Variants in FSTL4 observed in about 807,000 individuals in gnomAD.
FSTL4 encodes the protein follistatin like 4, also known as follistatin-related protein 4.
Under a neutral mutation model 78.2 loss-of-function variants are expected in FSTL4, and 28 were observed. The ratio of observed to expected loss-of-function variants is 0.36; its 90% CI spans 0.27 to 0.49. FSTL4 has a LOEUF of 0.49. FSTL4 is among the 20% of genes least tolerant of loss of function. FSTL4 has a pLI of 0.98. For synonymous variants in FSTL4, 422 were observed against 440.5 expected, an observed-to-expected ratio of 0.96 and a Z score of 0.53; for missense variants, 922 against 1,084.9, an observed-to-expected ratio of 0.85 and a Z score of 2.11.
chr5:133,290,397 A>G (rs1007381338), intron 6 of FSTL4, among the ~76,000 whole-genome samples: 1 of 152,342 alleles, frequency 6.6e-6, no homozygotes, highest in South Asian at 2.1e-4. Context: ...TGTGAGGGCC[A>G]TCGGGGAGTC....
At chr5:133,737,693 C>A in the FSTL4 span, among the ~76,000 whole-genome samples, 11 of 151,558 alleles carry the variant, frequency 7.3e-5, 1 homozygote, top group African/African-American at 2.7e-4. Context: ...CAACCTCTAC[C>A]TCCCAGGTTC....
At chr5:133,829,669 C>A in the FSTL4 span, among the ~76,000 whole-genome samples, 9 of 152,158 alleles carry the variant, frequency 5.9e-5, no homozygotes, top group Non-Finnish European at 1.3e-4. Flanking sequence ...TAGAAAAGAA[C>A]CAGAACTGCT....
chr5:133,696,539 C>T, the FSTL4 span, among the ~76,000 whole-genome samples: 21 of 152,354 alleles, frequency 1.4e-4, no homozygotes, highest in South Asian at 4.1e-3. Flanking sequence ...TTTAATGAGT[C>T]GTGTCTCTCT....
the FSTL4 span, among the ~76,000 whole-genome samples, chr5:133,783,851 G>C: frequency 6.6e-6 from 1 of 152,152 alleles, no homozygotes; most frequent in South Asian, 2.1e-4. Context: ...TAGAAAACAG[G>C]AGCAATTCCT....
chr5:133,388,110 G>A (rs966350884), intron 4 of FSTL4: 8 of 152,198 alleles, frequency 5.3e-5, no homozygotes, highest in African/African-American at 1.9e-4. Context: ...TTTACCCTTT[G>A]CAATTTTTGG....
chr5:133,465,526 G>A (rs1757689480), intron 3 of FSTL4, among the ~76,000 whole-genome samples: 1 of 152,246 alleles, frequency 6.6e-6, no homozygotes, highest in Non-Finnish European at 1.5e-5. Flanking sequence ...AGCGGTGGTT[G>A]TTCAGGAGTG....
chr5:133,592,011 G>A (rs1760638362), intron 2 of FSTL4, among the ~76,000 whole-genome samples: 2 of 152,214 alleles, frequency 1.3e-5, no homozygotes, highest in Non-Finnish European at 2.9e-5. Context: ...TAACCAATCT[G>A]TTCCGTTTTC....
intron 3 of FSTL4, among the ~76,000 whole-genome samples, chr5:133,452,927 C>T (rs1002825639): frequency 1.3e-5 from 2 of 152,240 alleles, no homozygotes; most frequent in African/African-American, 4.8e-5. Flanking sequence ...CAGAGTCCTA[C>T]CAACAACTCT....
In FSTL4 at chr5:133,233,397, G is replaced by A. The variant is rs1452809212; in HGVS notation, c.1015+20C>T. 6.2e-7 allele frequency: 1 copy of A among 1,613,744 alleles called. No homozygotes were observed. The highest frequency in any genetic ancestry group is 8.5e-7 in the Non-Finnish European group (1 of 1,179,874). On this transcript the variant is annotated intron_variant, in intron 8 of 15. Transcript: ENST00000265342. Reference sequence around the variant, plus strand: ...TGGGGAGGCTATGAGGGGACAACATGCATGGAGCCATTTACTAACCATTCA... The same window carrying A: ...TGGGGAGGCTATGAGGGGACAACATACATGGAGCCATTTACTAACCATTCA...
At chr5:133,567,924 C>A (rs1760063370) in intron 2 of FSTL4, among the ~76,000 whole-genome samples, 1 of 152,174 alleles carries the variant, frequency 6.6e-6, no homozygotes, top group East Asian at 1.9e-4. Context: ...AGAACAAACA[C>A]AAATTACTGA....
chr5:133,610,698 G>C (rs1761071254), intron 1 of FSTL4, among the ~76,000 whole-genome samples: 1 of 152,218 alleles, frequency 6.6e-6, no homozygotes, highest in African/African-American at 2.4e-5. Flanking sequence ...CAGACCCAGA[G>C]TCTGTCCTGG....
At chr5:133,250,821 T>G (rs1262288170) in intron 6 of FSTL4, among the ~76,000 whole-genome samples, 1 of 152,214 alleles carries the variant, frequency 6.6e-6, no homozygotes, top group Non-Finnish European at 1.5e-5. Flanking sequence ...AGATGCTGAG[T>G]GGCTCCGCCC....
the FSTL4 span, among the ~76,000 whole-genome samples, chr5:133,802,548 G>A: frequency 6.6e-6 from 1 of 152,210 alleles, no homozygotes; most frequent in African/African-American, 2.4e-5. Context: ...AGCCTTACCA[G>A]AGCTGGGAAA....
chr5:133,531,456 G>C (rs987234817), intron 3 of FSTL4, among the ~76,000 whole-genome samples: 1 of 152,252 alleles, frequency 6.6e-6, no homozygotes, highest in South Asian at 2.1e-4. Flanking sequence ...ATATCCCCTG[G>C]AAAGACTGAG....
At chr5:133,790,746 T>C in the FSTL4 span, among the ~76,000 whole-genome samples, 1 of 152,184 alleles carries the variant, frequency 6.6e-6, no homozygotes, top group African/African-American at 2.4e-5. Context: ...GAAGTCATCT[T>C]TGATTCCCCG....
intron 3 of FSTL4, among the ~76,000 whole-genome samples, chr5:133,428,282 T>C (rs1756868654): frequency 6.6e-6 from 1 of 152,190 alleles, no homozygotes; most frequent in Admixed American, 6.5e-5. Context: ...ATACGCATCA[T>C]GGCAGAAGTA....
At chr5:133,673,654 A>T in the FSTL4 span, among the ~76,000 whole-genome samples, 1 of 152,160 alleles carries the variant, frequency 6.6e-6, no homozygotes, top group African/African-American at 2.4e-5. Flanking sequence ...CAGATTCCAA[A>T]CTTTAATTCT....
intron 3 of FSTL4, among the ~76,000 whole-genome samples, chr5:133,403,306 C>T (rs1756280121): frequency 6.6e-6 from 1 of 152,186 alleles, no homozygotes; most frequent in Admixed American, 6.5e-5. Flanking sequence ...TGTGCCCTGG[C>T]CCCCATTGCT....
intron 3 of FSTL4, among the ~76,000 whole-genome samples, chr5:133,536,549 C>A (rs1416116006): frequency 6.6e-6 from 1 of 151,848 alleles, no homozygotes; most frequent in Non-Finnish European, 1.5e-5. Context: ...TTTAAAATTT[C>A]TTTAAAATTA....
Sources: gnomAD v4.1 joint callset for allele counts (sites outside exome capture counted in the v4.1 genomes callset) on GRCh38, gnomAD v4.1.1 for gene constraint, MANE v1.5 for transcripts, NCBI Gene and HGNC (gene_info 2026-07-23, HGNC 2026-07-21) for gene names.